PTPN13: variants seen among roughly 807,000 people sequenced by gnomAD.
The protein encoded by PTPN13 is protein tyrosine phosphatase non-receptor type 13.
PTPN13 carries 191 observed loss-of-function variants against 284.0 expected under a neutral mutation model. The ratio of observed to expected loss-of-function variants is 0.67; its 90% CI spans 0.60 to 0.76. The LOEUF is 0.76. Among genes scored for constraint, PTPN13 ranks in the 30% least tolerant of loss-of-function variants. The pLI, the probability that PTPN13 is intolerant of heterozygous loss-of-function variation, is 0.00. For synonymous variants in PTPN13, 986 were observed against 1,022.3 expected (o/e 0.96, Z 0.68); for missense variants, 2,797 against 2,939.9 (o/e 0.95, Z 1.12).
At chr4:86,702,241 T>C (rs898288220) in intron 7 of PTPN13, among the ~76,000 whole-genome samples, 1 of 152,254 alleles carries the variant, frequency 6.6e-6, no homozygotes, top group Non-Finnish European at 1.5e-5. Context: ...AGCATGGTTA[T>C]GGTGCATTGC....
intron 7 of PTPN13, among the ~76,000 whole-genome samples, chr4:86,715,366 T>C (rs1341327483): frequency 6.6e-6 from 1 of 152,196 alleles, no homozygotes; most frequent in Non-Finnish European, 1.5e-5. Flanking sequence ...TGTGTACATA[T>C]ATATACTTTT....
intron 1 of PTPN13, among the ~76,000 whole-genome samples, chr4:86,602,793 T>C (rs1371885444): frequency 6.6e-6 from 1 of 151,912 alleles, no homozygotes; most frequent in Admixed American, 6.6e-5. Flanking sequence ...CATGCTCAAC[T>C]GATCCTCCTA....
chr4:86,635,291 G>C lies in PTPN13; in HGVS notation c.35G>C (p.Arg12Pro). ...HVSLAEALEV[R>P]GGPLQEEEIW... ...TCACTAGCTGAGGCCCTGGAGGTTC[G>C]GGGTGGACCACTTCAGGAGGAAGAA... is the stretch of plus-strand genomic sequence containing the variant. The change falls in exon 2 of 48, where the codon CGG becomes CCG. Residue 12 changes from arginine (R) to proline (P), a missense_variant. Arg to Pro is a moderately radical substitution (Grantham distance 103). Transcript: ENST00000411767. The C allele has an allele frequency of 6.2e-7, 1 of 1,606,954 alleles. No individual in the cohort carries two copies. Among genetic ancestry groups the C allele is most frequent in the Non-Finnish European group, 8.5e-7 (1 of 1,177,032 alleles).
chr4:86,731,125 A>G (rs1734898849), intron 10 of PTPN13, among the ~76,000 whole-genome samples: 1 of 152,228 alleles, frequency 6.6e-6, no homozygotes, highest in African/African-American at 2.4e-5. Context: ...ACCAAATGCA[A>G]AGAAGAAACC....
intron 1 of PTPN13, among the ~76,000 whole-genome samples, chr4:86,618,421 G>A (rs1172271821): frequency 6.6e-6 from 1 of 152,048 alleles, no homozygotes; most frequent in Non-Finnish European, 1.5e-5. Context: ...CTCTTTTTTG[G>A]TTCCATATGA....
chr4:86,633,039 G>A (rs993681093), intron 1 of PTPN13, among the ~76,000 whole-genome samples: 1 of 151,976 alleles, frequency 6.6e-6, no homozygotes, highest in Non-Finnish European at 1.5e-5. Context: ...CTTCTGGCCT[G>A]AAGCGATCCT....
chr4:86,694,537 C>A (rs1260730167), intron 6 of PTPN13, among the ~76,000 whole-genome samples: 1 of 140,330 alleles, frequency 7.1e-6, no homozygotes, highest in Non-Finnish European at 1.5e-5. Flanking sequence ...GAGATCACAC[C>A]ACTGTGCTCC....
At chr4:86,799,036 C>A in intron 41 of PTPN13, 65 bp from the exon 42 acceptor site, 1 of 930,842 alleles carries the variant, frequency 1.1e-6, no homozygotes, top group Non-Finnish European at 1.6e-6. Flanking sequence ...GAAAATCATT[C>A]AGGGCCATGT....
Position 86,732,740 on chromosome 4 carries a change from A to C in PTPN13, c.1832A>C (p.His611Pro). Residue 611 changes from histidine to proline, a missense_variant, in exon 12 of 48, where the codon CAT (histidine) becomes CCT (proline). Physicochemically the swap from His to Pro is moderately conservative, Grantham distance 77. Coordinates refer to ENST00000411767, the MANE Select transcript of PTPN13 (RefSeq NM_080683.3). ...GCACATATTGGCTTAGTAGAGCATC[A>C]TTTGTTTGCTTTAGCTACCCTCAAA... ...VVAHIGLVEH[H>P]LFALATLKDN... 1 of 1,613,146 alleles carries C rather than the reference A, an allele frequency of 6.2e-7. No homozygotes were observed. The highest frequency in any genetic ancestry group is 8.5e-7 in the Non-Finnish European group (1 of 1,179,486).
chr4:86,658,089 TGGTGG>T, intron 2 of PTPN13, among the ~76,000 whole-genome samples: 1 of 152,354 alleles, frequency 6.6e-6, no homozygotes, highest in East Asian at 1.9e-4. Flanking sequence ...TTTAGTCAGC[TGGTGG>T]GGAAGCCCCA....
At chr4:86,640,694 A>G (rs1281855291) in intron 2 of PTPN13, among the ~76,000 whole-genome samples, 1 of 152,210 alleles carries the variant, frequency 6.6e-6, no homozygotes, top group Non-Finnish European at 1.5e-5. Context: ...CATCTTGCAT[A>G]CTGTAAGTAC....
intron 16 of PTPN13, among the ~76,000 whole-genome samples, chr4:86,742,743 T>A (rs530888003): frequency 3.2e-4 from 49 of 152,312 alleles, no homozygotes; most frequent in Non-Finnish European, 3.7e-4. Context: ...TGGGTTTAAC[T>A]TACCTTCCCC....
Position 86,785,354 on chromosome 4 carries a change from A to C in PTPN13, c.6242A>C (p.Tyr2081Ser), listed in dbSNP as rs1182882369. The part of the protein sequence containing the change: ...NLLNENNAAG[Y>S]SCGPGTLKMN... ...TTAAACGAAAATAATGCAGCAGGATACTCCTGTGGTCCAGGTACGTGAACC... is the reference window on the plus strand; with the variant it reads ...TTAAACGAAAATAATGCAGCAGGATCCTCCTGTGGTCCAGGTACGTGAACC... The change falls in exon 39 of 48, where the codon TAC becomes TCC. Residue 2081 changes from tyrosine to serine, a missense_variant. By Grantham distance (144) the Tyr-to-Ser change is moderately radical (BLOSUM62 -2). Transcript: ENST00000411767. The C allele has an allele frequency of 6.2e-7, 1 of 1,610,692 alleles. No individual in the cohort carries two copies. Among genetic ancestry groups the C allele is most frequent in the Non-Finnish European group, 8.5e-7 (1 of 1,178,224 alleles).
At chr4:86,701,107 C>A in intron 6 of PTPN13, 134 bp from the exon 7 acceptor site, 1 of 623,238 alleles carries the variant, frequency 1.6e-6, no homozygotes, top group Non-Finnish European at 2.7e-6. Context: ...CCATCATCAC[C>A]ATCCCATTTC....
intron 42 of PTPN13, among the ~76,000 whole-genome samples, 189 bp downstream of exon 42, chr4:86,799,393 A>T (rs1376339977): frequency 8.6e-6 from 1 of 116,688 alleles, no homozygotes; most frequent in Admixed American, 8.7e-5. Flanking sequence ...TACAACCACC[A>T]CCTCCCCAGT....
intron 21 of PTPN13, 148 bp downstream of exon 21, chr4:86,758,497 G>A (rs991753819): frequency 7.8e-6 from 7 of 893,672 alleles, no homozygotes; most frequent in Admixed American, 5.2e-5. Flanking sequence ...CAACCTACCC[G>A]CCCAGTCACC....
At position 86,716,996 on chromosome 4, in the gene PTPN13, C is replaced by A. The variant is rs1328393524; in HGVS notation, c.1292-28C>A. 10 of 1,463,830 alleles carry A rather than the reference C, an allele frequency of 6.8e-6. No homozygotes were observed. In the East Asian group the frequency reaches 2.0e-4, roughly 30 times the overall value. The allele number at this position is 1,463,830 out of a possible 1,614,324, so 90.7% of individuals were successfully genotyped here. On this transcript the variant is annotated intron_variant, in intron 8 of 47. Transcript: ENST00000411767. ...TACTCTCATGTTTCTATCACCTGTGCCATTATTTCTTTTTCATTCATAATT... is the reference window on the plus strand; with the variant it reads ...TACTCTCATGTTTCTATCACCTGTGACATTATTTCTTTTTCATTCATAATT...
intron 42 of PTPN13, among the ~76,000 whole-genome samples, chr4:86,801,309 C>G (rs1211998356): frequency 3.9e-5 from 6 of 152,194 alleles, no homozygotes; most frequent in Admixed American, 3.9e-4. Context: ...CTGGAGTAAT[C>G]TCCCATATTA....
chr4:86,623,350 T>C (rs1230755110), intron 1 of PTPN13, among the ~76,000 whole-genome samples: 2 of 152,110 alleles, frequency 1.3e-5, no homozygotes, highest in African/African-American at 4.8e-5. Context: ...AGATTTTCTC[T>C]ACCCACTCCA....
Sources: allele counts gnomAD v4.1 joint callset (sites outside exome capture counted in the v4.1 genomes callset), GRCh38; gene constraint gnomAD v4.1.1; transcripts MANE v1.5; gene names NCBI Gene and HGNC (gene_info 2026-07-23, HGNC 2026-07-21).